Variants in GATAD2B observed in about 807,000 individuals in gnomAD.
The protein encoded by GATAD2B is transcriptional repressor p66-beta.
GATAD2B carries 8 observed loss-of-function variants against 64.3 expected under a neutral mutation model. The observed-to-expected ratio is 0.12, with a 90% confidence interval of 0.07 to 0.22. The LOEUF (loss-of-function observed/expected upper bound fraction) is 0.22. Ranked by LOEUF, GATAD2B falls within the 10% of genes least tolerant of loss-of-function variation. The pLI, the probability that GATAD2B is intolerant of heterozygous loss-of-function variation, is 1.00. For synonymous variants in GATAD2B, 281 were observed against 271.3 expected (o/e 1.04, Z -0.35); for missense variants, 453 against 752.0 (o/e 0.60, Z 4.65).
intron 1 of GATAD2B, among the ~76,000 whole-genome samples, chr1:153,880,541 G>C (rs1435567546): frequency 1.3e-5 from 2 of 152,028 alleles, no homozygotes; most frequent in East Asian, 1.9e-4. Flanking sequence ...TCACCCCTAA[G>C]TATCTTAACA....
intron 1 of GATAD2B, among the ~76,000 whole-genome samples, chr1:153,906,223 G>C (rs1239946263): frequency 1.3e-5 from 2 of 151,938 alleles, no homozygotes; most frequent in Admixed American, 6.6e-5. Context: ...TTCGAGACCA[G>C]CCTGGCCAAT....
intron 1 of GATAD2B, among the ~76,000 whole-genome samples, chr1:153,865,899 G>A (rs1289287170): frequency 6.6e-6 from 1 of 152,046 alleles, no homozygotes; most frequent in Non-Finnish European, 1.5e-5. Context: ...GAGGTGGGTA[G>A]ATCGCTTGAG....
At chr1:153,868,456 G>A (rs1191167861) in intron 1 of GATAD2B, among the ~76,000 whole-genome samples, 1 of 151,824 alleles carries the variant, frequency 6.6e-6, no homozygotes. Context: ...TTAACAGCAT[G>A]GGGGACGGGG....
chr1:153,837,619 C>G (rs999222707), intron 1 of GATAD2B, among the ~76,000 whole-genome samples: 1 of 151,992 alleles, frequency 6.6e-6, no homozygotes, highest in African/African-American at 2.4e-5. Context: ...AAAACAAAAT[C>G]CAACATAACT....
chr1:153,837,702 T>C (rs1160274509), intron 1 of GATAD2B, among the ~76,000 whole-genome samples: 6 of 152,180 alleles, frequency 3.9e-5, no homozygotes, highest in Admixed American at 3.9e-4. Flanking sequence ...GTTGTGATGG[T>C]TGCACAACTT....
At chr1:153,813,676 G>A (rs1674365138) in intron 7 of GATAD2B, among the ~76,000 whole-genome samples, 1 of 152,186 alleles carries the variant, frequency 6.6e-6, no homozygotes, top group Non-Finnish European at 1.5e-5. Context: ...GAGGACAGAA[G>A]TCGAAGAAAT....
At chr1:153,848,677 T>C (rs1253241133) in intron 1 of GATAD2B, among the ~76,000 whole-genome samples, 2 of 152,088 alleles carry the variant, frequency 1.3e-5, no homozygotes, top group Non-Finnish European at 2.9e-5. Flanking sequence ...TAGTCCATTA[T>C]GCATGGTGGC....
intron 1 of GATAD2B, among the ~76,000 whole-genome samples, chr1:153,906,513 T>C (rs1049118423): frequency 6.6e-6 from 1 of 151,550 alleles, no homozygotes; most frequent in South Asian, 2.1e-4. Context: ...AAAGTAAATT[T>C]AAAAAAATGA....
chr1:153,912,091 T>C (rs1193605680), intron 1 of GATAD2B, among the ~76,000 whole-genome samples: 2 of 152,256 alleles, frequency 1.3e-5, no homozygotes, highest in Non-Finnish European at 2.9e-5. Context: ...TTCGGTGATA[T>C]CTACCCAATA....
At chr1:153,915,683 CGA>C (rs1255803961) in intron 1 of GATAD2B, among the ~76,000 whole-genome samples, 1 of 146,024 alleles carries the variant, frequency 6.8e-6, no homozygotes, top group Non-Finnish European at 1.5e-5. Context: ...TGCAGTGAGC[CGA>C]GATCGTGCCA....
intron 1 of GATAD2B, among the ~76,000 whole-genome samples, chr1:153,868,689 G>A (rs1164752250): frequency 6.6e-6 from 1 of 151,070 alleles, no homozygotes; most frequent in East Asian, 1.9e-4. Context: ...CTACTCTACA[G>A]ATCTTATTCA....
intron 1 of GATAD2B, among the ~76,000 whole-genome samples, chr1:153,881,034 C>G (rs369284551): frequency 3.3e-5 from 5 of 152,084 alleles, no homozygotes; most frequent in Non-Finnish European, 5.9e-5. Context: ...AGCCTCCCCC[C>G]TCCCTCTCCT....
intron 1 of GATAD2B, among the ~76,000 whole-genome samples, chr1:153,883,156 T>C (rs1048853054): frequency 4.6e-5 from 7 of 152,200 alleles, no homozygotes. Flanking sequence ...TCAGAGTCTC[T>C]CACAAAGCCC....
At chr1:153,873,088 A>C (rs1428753645) in intron 1 of GATAD2B, among the ~76,000 whole-genome samples, 1 of 152,056 alleles carries the variant, frequency 6.6e-6, no homozygotes, top group African/African-American at 2.4e-5. Flanking sequence ...TTGCTTTTGG[A>C]TATCACTGCA....
At chr1:153,908,574 T>G (rs370261892) in intron 1 of GATAD2B, among the ~76,000 whole-genome samples, 1 of 151,564 alleles carries the variant, frequency 6.6e-6, no homozygotes, top group East Asian at 1.9e-4. Context: ...GTTCCAGCGA[T>G]TCTCCTGCCT....
At chr1:153,902,298 GA>G (rs989593699) in intron 1 of GATAD2B, among the ~76,000 whole-genome samples, 11 of 147,550 alleles carry the variant, frequency 7.5e-5, no homozygotes, top group East Asian at 5.9e-4. Context: ...AAGAAAAAAA[GA>G]AAAAAAAAAG....
intron 1 of GATAD2B, among the ~76,000 whole-genome samples, chr1:153,851,370 T>C (rs891909546): frequency 1.3e-5 from 2 of 152,202 alleles, no homozygotes; most frequent in African/African-American, 4.8e-5. Flanking sequence ...CATACTGTTT[T>C]CCATAGTGGC....
chr1:153,813,379 G>C lies in GATAD2B; in HGVS notation c.1290C>G (p.His430Gln). 6.2e-7 allele frequency: 1 copy of C among 1,613,980 alleles called. No homozygotes were observed. The highest frequency in any genetic ancestry group is 8.5e-7 in the Non-Finnish European group (1 of 1,179,870). ...CAQCRTDFTP[H>Q]WKQEKNGKIL... ...TCTTACCATTCTTTTCTTGCTTCCA[G>C]TGAGGGGTGAAATCTGTGCGGCACT... The change falls in exon 8 of 11, where the codon CAC becomes CAG. Residue 430 changes from histidine to glutamine, a missense_variant. By Grantham distance (24) the His-to-Gln change is conservative (BLOSUM62 0). Around this residue, in one of 2 missense-constraint regions of GATAD2B, gnomAD observed 160 missense variants for 334.7 expected, o/e 0.48. Coordinates refer to ENST00000368655, the MANE Select transcript of GATAD2B (RefSeq NM_020699.4).
At chr1:153,828,484 A>G in intron 1 of GATAD2B, 136 bp from the exon 2 acceptor site, 1 of 631,716 alleles carries the variant, frequency 1.6e-6, no homozygotes, top group Non-Finnish European at 2.7e-6. Flanking sequence ...ACACACACAC[A>G]CACACACAAA....
Sources: allele counts gnomAD v4.1 joint callset (sites outside exome capture counted in the v4.1 genomes callset), GRCh38; gene constraint gnomAD v4.1.1; regional missense constraint gnomAD v4.1.1; transcripts MANE v1.5; gene names NCBI Gene and HGNC (gene_info 2026-07-23, HGNC 2026-07-21).